Variants in NFYA observed in about 807,000 individuals in gnomAD.
NFYA encodes the protein nuclear transcription factor Y subunit alpha.
NFYA carries 28 observed loss-of-function variants against 52.8 expected under a neutral mutation model. The ratio of observed to expected loss-of-function variants is 0.53; its 90% confidence interval spans 0.39 to 0.73. NFYA has a LOEUF of 0.73. Among genes scored for constraint, NFYA ranks in the 30% least tolerant of loss-of-function variants. The pLI, the probability that NFYA is intolerant of heterozygous loss-of-function variation, is 0.00. For synonymous variants in NFYA, 150 were observed against 150.7 expected, an observed-to-expected ratio of 1.00 and a Z score of 0.03; for missense variants, 234 against 427.0, an observed-to-expected ratio of 0.55 and a Z score of 3.98.
chr6:41,084,007 CTT>C (rs1475548111), intron 3 of NFYA, 37 bp from the exon 4 acceptor site: 1 of 1,548,596 alleles, frequency 6.5e-7, no homozygotes, highest in Admixed American at 1.9e-5. Flanking sequence ...CATTTTGTGT[CTT>C]ATGTTATTTC....
At chr6:41,078,930 C>T (rs901326189) in intron 1 of NFYA, 99 bp from the exon 2 acceptor site, 3 of 565,116 alleles carry the variant, frequency 5.3e-6, no homozygotes, top group Admixed American at 3.1e-5. Context: ...ATCCTGTTTT[C>T]TTGCAAATAA....
chr6:41,088,250 C>G (rs1764098486), intron 4 of NFYA, among the ~76,000 whole-genome samples: 1 of 151,454 alleles, frequency 6.6e-6, no homozygotes, highest in Non-Finnish European at 1.5e-5. Context: ...AACCCCGTCT[C>G]TACTAAAAAG....
chr6:41,089,763 A>C lies in NFYA; in HGVS notation c.441+53A>C, dbSNP rs943067347. The C allele has an allele frequency of 1.8e-5, 29 of 1,586,988 alleles. No individual in the cohort carries two copies. The Admixed American group carries it at 5.1e-4, about 28-fold the overall frequency. On this transcript the variant is annotated intron_variant, in intron 5 of 9. Transcript: ENST00000341376. Reference sequence around the variant, plus strand: ...AGCAAAACTGATTTGGAAGAGTCAGATAACTGAGTCAGATATTTCATGTAT... The same window carrying C: ...AGCAAAACTGATTTGGAAGAGTCAGCTAACTGAGTCAGATATTTCATGTAT...
chr6:41,089,356 C>T (rs1764136930), intron 4 of NFYA, among the ~76,000 whole-genome samples: 1 of 152,190 alleles, frequency 6.6e-6, no homozygotes, highest in Non-Finnish European at 1.5e-5. Context: ...TAAAAACCGA[C>T]ATTGATTTGT....
At chr6:41,088,777 G>A (rs944160708) in intron 4 of NFYA, among the ~76,000 whole-genome samples, 5 of 151,974 alleles carry the variant, frequency 3.3e-5, no homozygotes, top group African/African-American at 1.2e-4. Context: ...GTAGATACAG[G>A]GTTTTGCCAT....
At chr6:41,074,073 C>T (rs940930433) in intron 1 of NFYA, among the ~76,000 whole-genome samples, 1 of 152,216 alleles carries the variant, frequency 6.6e-6, no homozygotes, top group Non-Finnish European at 1.5e-5. Context: ...TTTGTGAAAT[C>T]TCCCTCCCTT....
chr6:41,079,390 G>A (rs1041502106), intron 2 of NFYA, among the ~76,000 whole-genome samples: 3 of 152,140 alleles, frequency 2.0e-5, no homozygotes, highest in African/African-American at 7.2e-5. Flanking sequence ...CTCATTTTAA[G>A]TAAAAACATC....
intron 3 of NFYA, among the ~76,000 whole-genome samples, chr6:41,081,853 C>T (rs1424752838): frequency 6.6e-6 from 1 of 152,164 alleles, no homozygotes; most frequent in Non-Finnish European, 1.5e-5. Context: ...GGTGTTAAAG[C>T]CACTGTGATA....
chr6:41,084,213 T>C (rs1334030985), intron 4 of NFYA, 21 bp downstream of exon 4: 13 of 1,612,936 alleles, frequency 8.1e-6, no homozygotes, highest in Admixed American at 5.0e-5. Flanking sequence ...TTTAAAAATA[T>C]TGAGCAGTAT....
rs541830435 is a variant in NFYA, at chr6:41,101,654, G to T, written c.*4244G>T. Reference sequence around the variant, plus strand: ...CTCTGTGTCAGGGATATGAAGATGGGTAATACCAGGTGCCTGTCCTCACTG... The same window carrying T: ...CTCTGTGTCAGGGATATGAAGATGGTTAATACCAGGTGCCTGTCCTCACTG... On this transcript the variant is annotated 3_prime_UTR_variant, in exon 10 of 10. Transcript: ENST00000341376. Among the ~76,000 whole-genome samples, 1 of 152,290 alleles carries T rather than the reference G, an allele frequency of 6.6e-6. No homozygotes were observed. Among genetic ancestry groups the T allele is most frequent in the South Asian group, 2.1e-4 (1 of 4,832 alleles).
chr6:41,084,337 T>A, intron 4 of NFYA, 145 bp downstream of exon 4: 3 of 911,282 alleles, frequency 3.3e-6, no homozygotes, highest in Non-Finnish European at 4.8e-6. Context: ...GCCTTTATAG[T>A]ACCAGTGATA....
intron 6 of NFYA, among the ~76,000 whole-genome samples, chr6:41,090,762 A>G (rs1237034851): frequency 6.6e-6 from 1 of 152,240 alleles, no homozygotes; most frequent in Non-Finnish European, 1.5e-5. Flanking sequence ...AGACGTGAAC[A>G]AATAAATACA....
At chr6:41,097,293 G>A (rs1764386155) in intron 9 of NFYA, 64 bp from the exon 10 acceptor site, 1 of 1,465,118 alleles carries the variant, frequency 6.8e-7, no homozygotes, top group Non-Finnish European at 9.6e-7. Flanking sequence ...GATAAGTAGT[G>A]AGAGCCATGA....
At chr6:41,078,735 T>G (rs1280721284) in intron 1 of NFYA, among the ~76,000 whole-genome samples, 2 of 152,240 alleles carry the variant, frequency 1.3e-5, no homozygotes, top group Non-Finnish European at 2.9e-5. Context: ...GTATGCCTTG[T>G]ATCAAAGTGA....
At chr6:41,075,384 T>C (rs184739422) in intron 1 of NFYA, 4 of 152,358 alleles carry the variant, frequency 2.6e-5, no homozygotes, top group East Asian at 3.9e-4. Flanking sequence ...TATTTAAAAA[T>C]AGGTATGTTC....
chr6:41,098,418 T>C lies in NFYA; in HGVS notation c.*1008T>C, dbSNP rs923502969. On this transcript the variant is annotated 3_prime_UTR_variant, in exon 10 of 10. Transcript: ENST00000341376. ...AGAGAGAGCATGTATACCCGTATGT[T>C]ATCATAGAGCACGATTCTCCAGTGG... 1 of 152,202 alleles carries C rather than the reference T, an allele frequency of 6.6e-6. No individual in the cohort carries two copies. Among genetic ancestry groups the C allele is most frequent in the African/African-American group, 2.4e-5 (1 of 41,426 alleles). The allele number at this position is 152,202 out of a possible 1,614,324, so 9.4% of individuals were successfully genotyped here.
At chr6:41,092,580 A>G (rs1159753989) in intron 7 of NFYA, among the ~76,000 whole-genome samples, 1 of 152,014 alleles carries the variant, frequency 6.6e-6, no homozygotes, top group Non-Finnish European at 1.5e-5. Context: ...TGGTCTATCT[A>G]TTTTTGTGCT....
chr6:41,086,174 G>T (rs566217899), intron 4 of NFYA, among the ~76,000 whole-genome samples: 3 of 151,378 alleles, frequency 2.0e-5, no homozygotes, highest in Admixed American at 2.0e-4. Flanking sequence ...ATGTGGTATA[G>T]TTAGGAACAG....
At chr6:41,093,558 C>A (rs1402492826) in intron 8 of NFYA, among the ~76,000 whole-genome samples, 1 of 152,110 alleles carries the variant, frequency 6.6e-6, no homozygotes, top group East Asian at 1.9e-4. Flanking sequence ...GCAACCTGCA[C>A]CTTCCATGTT....
Sources: gnomAD v4.1 joint callset for allele counts (sites outside exome capture counted in the v4.1 genomes callset) on GRCh38, gnomAD v4.1.1 for gene constraint, MANE v1.5 for transcripts, NCBI Gene and HGNC (gene_info 2026-07-23, HGNC 2026-07-21) for gene names.